SLC4A7: variants seen among roughly 807,000 people sequenced by gnomAD.
The protein encoded by SLC4A7 is solute carrier family 4 member 7.
In SLC4A7, 51 loss-of-function variants were observed where a neutral mutation model predicts 137.6. The ratio of observed to expected loss-of-function variants is 0.37; its 90% CI spans 0.30 to 0.47. The LOEUF is 0.47. SLC4A7 is among the 20% of genes least tolerant of loss of function. The pLI is 1.00. For synonymous variants in SLC4A7, 542 were observed against 518.6 expected, an observed-to-expected ratio of 1.05 and a Z score of -0.61; for missense variants, 1,247 against 1,525.4, an observed-to-expected ratio of 0.82 and a Z score of 3.04.
chr3:27,422,424 C>T (rs545982884), intron 8 of SLC4A7, among the ~76,000 whole-genome samples: 12 of 152,034 alleles, frequency 7.9e-5, no homozygotes, highest in Non-Finnish European at 1.5e-4. Context: ...TGCGCTACCA[C>T]GCCTGGCTAA....
At chr3:27,429,486 T>A (rs953387199) in intron 7 of SLC4A7, among the ~76,000 whole-genome samples, 2 of 152,120 alleles carry the variant, frequency 1.3e-5, no homozygotes, top group South Asian at 4.1e-4. Flanking sequence ...AGGCAGTCAG[T>A]CATTAGAGAA....
intron 5 of SLC4A7, among the ~76,000 whole-genome samples, chr3:27,435,485 C>T (rs2056661508): frequency 6.6e-6 from 1 of 152,170 alleles, no homozygotes; most frequent in South Asian, 2.1e-4. Context: ...ATGTGTATCT[C>T]ATATCACACT....
At chr3:27,407,242 G>A (rs559906284) in intron 13 of SLC4A7, among the ~76,000 whole-genome samples, 10 of 151,928 alleles carry the variant, frequency 6.6e-5, no homozygotes, top group African/African-American at 1.9e-4. Flanking sequence ...AGCACTTTGG[G>A]AGGCTGAGGT....
intron 1 of SLC4A7, among the ~76,000 whole-genome samples, chr3:27,452,924 G>A (rs2058171889): frequency 6.6e-6 from 1 of 152,054 alleles, no homozygotes; most frequent in Non-Finnish European, 1.5e-5. Flanking sequence ...ACTGAATTAT[G>A]GTCAAACATA....
chr3:27,469,105 T>C (rs2059129705), intron 1 of SLC4A7, among the ~76,000 whole-genome samples: 1 of 147,192 alleles, frequency 6.8e-6, no homozygotes, highest in Admixed American at 6.8e-5. Context: ...AGACTGCGTC[T>C]CAATAAAAGA....
At chr3:27,481,391 C>CA (rs1216192661) in intron 1 of SLC4A7, among the ~76,000 whole-genome samples, 1 of 151,952 alleles carries the variant, frequency 6.6e-6, no homozygotes, top group Non-Finnish European at 1.5e-5. Context: ...AAACTGCCAC[C>CA]AATCTATTCA....
rs1210388233 is a variant in SLC4A7 at position 27,403,320 on chromosome 3, T to C, written c.2140A>G (p.Ile714Val). Residue 714 changes from isoleucine to valine, a missense_variant, in exon 15 of 26, where the codon ATT becomes GTT. By Grantham distance (29) the Ile-to-Val change is conservative. This residue lies in a region of SLC4A7 where 499 missense variants were observed against 664.2 expected (regional missense o/e 0.75). Transcript: ENST00000454389. The stretch of plus-strand genomic sequence containing the variant: ...CTTGCATCTGTTGCAACCAAAACAA[T>C]GCACAAAAAAGAAGTCCACAGACCA... ...SIGLWTSFLC[I>V]VLVATDASSL... 6.2e-7 allele frequency: 1 copy of C among 1,613,360 alleles called. No individual in the cohort carries two copies. The highest frequency in any genetic ancestry group is 1.1e-5 in the South Asian group (1 of 91,002).
Position 27,469,901 on chromosome 3 carries a change from TA to T in SLC4A7, c.60+14165del, listed in dbSNP as rs201847508. Among the ~76,000 whole-genome samples the T allele has an allele frequency of 3.3e-3, 500 of 152,342 alleles. 7 individuals are homozygous for T. The highest frequency in any genetic ancestry group is 0.027 in the Admixed American group (417 of 15,296). On this transcript the variant is annotated intron_variant, in intron 1 of 25. Transcript: ENST00000454389. Reference sequence around the variant, plus strand: ...ACTCTTTTAGAAATAAACATTCAACTAACCTTTGAGAAGTAGCTGTAACAAA... The same window carrying T: ...ACTCTTTTAGAAATAAACATTCAACTACCTTTGAGAAGTAGCTGTAACAAA...
In SLC4A7 at chr3:27,398,225, C is replaced by T. The variant is rs199889680; in HGVS notation, c.2556G>A (p.Lys852=). ...GAAAGTAACGCTTGGTCTTAAATTG[C>T]TTGAGGAATGAAGACAGAAAAAATG... is the stretch of plus-strand genomic sequence containing the variant. ...FTTFFLSSFL[K]QFKTKRYFPT... The change falls in exon 17 of 26, where the codon AAG becomes AAA. Residue 852 remains lysine, a synonymous_variant. Coordinates refer to ENST00000454389, the MANE Select transcript of SLC4A7 (RefSeq NM_001321103.2). 3.1e-6 allele frequency: 5 copies of T among 1,612,668 alleles called. No individual in the cohort carries two copies. The highest frequency in any genetic ancestry group is 2.2e-5 in the South Asian group (2 of 90,966).
At chr3:27,471,326 CAAT>C (rs1421120710) in intron 1 of SLC4A7, among the ~76,000 whole-genome samples, 2 of 152,168 alleles carry the variant, frequency 1.3e-5, no homozygotes, top group African/African-American at 4.8e-5. Context: ...TTTTATTTAA[CAAT>C]AACTACGTTA....
intron 1 of SLC4A7, among the ~76,000 whole-genome samples, chr3:27,467,601 G>A (rs547411376): frequency 7.9e-5 from 12 of 152,334 alleles, no homozygotes; most frequent in African/African-American, 2.6e-4. Context: ...ATGGAAACCT[G>A]TCTCACTTTA....
At chr3:27,475,087 AGAGC>A (rs2059410820) in intron 1 of SLC4A7, among the ~76,000 whole-genome samples, 1 of 152,116 alleles carries the variant, frequency 6.6e-6, no homozygotes, top group South Asian at 2.1e-4. Context: ...TCTGGGTGAC[AGAGC>A]GAGATTGCGT....
intron 13 of SLC4A7, 36 bp from the exon 14 acceptor site, chr3:27,404,999 C>T (rs1031286783): frequency 2.1e-6 from 3 of 1,462,614 alleles, no homozygotes; most frequent in African/African-American, 1.4e-5. Context: ...AAAAGCAATA[C>T]ATCATAAACA....
At chr3:27,404,792 T>C (rs536883966) in intron 14 of SLC4A7, 38 bp downstream of exon 14, 3 of 1,474,598 alleles carry the variant, frequency 2.0e-6, no homozygotes, top group East Asian at 2.3e-5. Flanking sequence ...CAATTTCATA[T>C]ATAACACATG....
At chr3:27,471,762 C>T (rs978663330) in intron 1 of SLC4A7, among the ~76,000 whole-genome samples, 5 of 152,192 alleles carry the variant, frequency 3.3e-5, no homozygotes, top group Admixed American at 6.5e-5. Flanking sequence ...CTGTGGTTCA[C>T]GCTAATTTGT....
chr3:27,456,032 T>C (rs2058386920), intron 1 of SLC4A7, among the ~76,000 whole-genome samples: 1 of 152,200 alleles, frequency 6.6e-6, no homozygotes. Context: ...TAGTTATTTA[T>C]CTTGCCTGAA....
intron 1 of SLC4A7, among the ~76,000 whole-genome samples, chr3:27,467,830 A>T (rs2059072834): frequency 6.6e-6 from 1 of 152,222 alleles, no homozygotes; most frequent in African/African-American, 2.4e-5. Context: ...ATGACTCTAA[A>T]GGCAAAGAAA....
intron 1 of SLC4A7, among the ~76,000 whole-genome samples, chr3:27,463,157 G>A (rs567028166): frequency 4.6e-5 from 7 of 152,356 alleles, no homozygotes; most frequent in African/African-American, 1.4e-4. Flanking sequence ...GCCGGGCGCG[G>A]TGGCTCACGC....
chr3:27,400,237 A>T (rs147745724), intron 16 of SLC4A7, among the ~76,000 whole-genome samples: 7 of 152,234 alleles, frequency 4.6e-5, no homozygotes, highest in Admixed American at 4.6e-4. Flanking sequence ...GGTGTTCATT[A>T]CATGTTTTTA....
Sources: gnomAD v4.1 joint callset for allele counts (sites outside exome capture counted in the v4.1 genomes callset) on GRCh38, gnomAD v4.1.1 for gene constraint, gnomAD v4.1.1 regional missense constraint, MANE v1.5 for transcripts, NCBI Gene and HGNC (gene_info 2026-07-23, HGNC 2026-07-21) for gene names.